The following ANKFN1 variants were observed in gnomAD, a reference collection of about 807,000 sequenced individuals.
ANKFN1 encodes the protein ankyrin repeat and fibronectin type III domain containing 1.
A neutral mutation model predicts 108.7 loss-of-function variants in ANKFN1; 74 were observed. The observed-to-expected ratio is 0.68, with a 90% confidence interval of 0.56 to 0.83. The LOEUF (loss-of-function observed/expected upper bound fraction) is 0.83, where lower values mean the gene tolerates loss of function less well. ANKFN1 is among the 40% of genes least tolerant of loss of function. The pLI is 0.00. For missense variants in ANKFN1, 1,505 were observed against 1,382.3 expected, an observed-to-expected ratio of 1.09 and a Z score of -1.41; for synonymous variants, 547 against 516.2, an observed-to-expected ratio of 1.06 and a Z score of -0.81.
At chr17:56,268,152 A>G (rs766462777) in intron 3 of ANKFN1, among the ~76,000 whole-genome samples, 46 of 152,340 alleles carry the variant, frequency 3.0e-4, no homozygotes, top group Non-Finnish European at 4.9e-4. Flanking sequence ...CACATGGCAC[A>G]TACTTTAAAA....
At chr17:56,088,517 G>A (rs1482719785) in intron 4 of ANKFN1, among the ~76,000 whole-genome samples, 1 of 150,828 alleles carries the variant, frequency 6.6e-6, no homozygotes, top group African/African-American at 2.4e-5. Context: ...TTTCTAGCTG[G>A]TGGCAGTCAC....
intron 17 of ANKFN1, 105 bp downstream of exon 17, chr17:56,480,923 A>AGTGTG (rs2050676725): frequency 1.6e-6 from 1 of 631,886 alleles, no homozygotes; most frequent in African/African-American, 2.0e-5. Flanking sequence ...GTGTGTGTGT[A>AGTGTG]AATTTTCCTT....
rs200163526 is a variant in ANKFN1, at chr17:56,353,953, G to A, written c.508G>A (p.Glu170Lys). 8.3e-5 allele frequency: 134 copies of A among 1,613,828 alleles called. No individual in the cohort carries two copies. Among genetic ancestry groups the A allele is most frequent in the Middle Eastern group, 6.6e-4 (4 of 6,082 alleles). Residue 170 changes from glutamate (E) to lysine (K), a missense_variant, in exon 6 of 21, where the codon GAG becomes AAG. Transcript: ENST00000682825. ...EELDLNTPNSEGLTPLDIAIM... is the reference protein window; with the variant it reads ...EELDLNTPNSKGLTPLDIAIM... The stretch of plus-strand genomic sequence containing the variant: ...ACTTGACCTCAACACACCTAACAGC[G>A]AGGGCTTGACACCCCTGGATATTGC...
chr17:56,462,392 C>T (rs1278419522), intron 14 of ANKFN1, among the ~76,000 whole-genome samples: 4 of 152,120 alleles, frequency 2.6e-5, no homozygotes, highest in African/African-American at 7.2e-5. Context: ...GTCGGGAGTT[C>T]GAGACCAGCC....
intron 4 of ANKFN1, among the ~76,000 whole-genome samples, chr17:56,328,713 T>C (rs74418927): frequency 0.014 from 2,130 of 152,132 alleles, 53 homozygotes; most frequent in African/African-American, 0.048. Context: ...GAGAGTCACA[T>C]TGTGGAAAGC....
At chr17:56,472,883 A>G (rs1036679479) in intron 15 of ANKFN1, 1 of 152,222 alleles carries the variant, frequency 6.6e-6, no homozygotes, top group African/African-American at 2.4e-5. Context: ...GAGAGAAAGA[A>G]CAAAATAAAG....
intron 10 of ANKFN1, among the ~76,000 whole-genome samples, chr17:56,444,427 A>G (rs2049214457): frequency 6.6e-6 from 1 of 151,730 alleles, no homozygotes; most frequent in African/African-American, 2.4e-5. Context: ...ATGCCTGTGT[A>G]TTTTTTTTAT....
chr17:56,343,108 G>C (rs2110201), intron 4 of ANKFN1, among the ~76,000 whole-genome samples: 120,517 of 151,994 alleles, frequency 0.79, 48,105 homozygotes, highest in East Asian at 0.96. Flanking sequence ...TTGCCAGATA[G>C]TAGGATTGCA....
intron 3 of ANKFN1, among the ~76,000 whole-genome samples, chr17:56,301,215 G>A (rs1053243717): frequency 2.6e-5 from 4 of 152,286 alleles, no homozygotes; most frequent in African/African-American, 9.6e-5. Flanking sequence ...GATATCTGGA[G>A]TTGTTTGACC....
At chr17:56,092,625 A>G (rs1158169833) in intron 4 of ANKFN1, among the ~76,000 whole-genome samples, 1 of 151,178 alleles carries the variant, frequency 6.6e-6, no homozygotes, top group Non-Finnish European at 1.5e-5. Context: ...TTAGCAGCTT[A>G]AAACAGCACC....
At chr17:56,414,672 C>T (rs1567983363) in intron 8 of ANKFN1, among the ~76,000 whole-genome samples, 1 of 152,122 alleles carries the variant, frequency 6.6e-6, no homozygotes, top group Non-Finnish European at 1.5e-5. Flanking sequence ...ATCATATGAT[C>T]ATTTCAATTG....
At position 56,211,688 on chromosome 17, in the gene ANKFN1, C is replaced by T. The variant is rs1019833472; in HGVS notation, c.-70-910C>T. Among the ~76,000 whole-genome samples the T allele has an allele frequency of 2.6e-5, 4 of 152,204 alleles. No individual in the cohort carries two copies. The East Asian group carries it at 5.8e-4, about 22-fold the overall frequency. ...GGAATTGCATTAAATTTGTAGATTG[C>T]TTTTGGCAGTATGGTTATTTTCACA... On this transcript the variant is annotated intron_variant, in intron 1 of 20. Coordinates refer to ENST00000682825, the MANE Select transcript of ANKFN1 (RefSeq NM_001370326.1).
At chr17:56,102,305 A>T (rs113427845) in intron 4 of ANKFN1, among the ~76,000 whole-genome samples, 1,756 of 152,290 alleles carry the variant, frequency 0.012, 37 homozygotes, top group African/African-American at 0.041. Context: ...GTCAATTATA[A>T]ATACTTGTAT....
intron 4 of ANKFN1, among the ~76,000 whole-genome samples, chr17:56,109,586 GA>G (rs1266457658): frequency 6.6e-6 from 1 of 151,718 alleles, no homozygotes. Context: ...CAGAATGGCT[GA>G]AAAAAAAGGA....
intron 4 of ANKFN1, among the ~76,000 whole-genome samples, chr17:56,055,566 C>CATACATATATATATATATATATAT (rs1555588763): frequency 2.1e-5 from 1 of 47,442 alleles, no homozygotes; most frequent in Non-Finnish European, 3.5e-5. Flanking sequence ...GGTATATATA[C>CATACATATATATATATATATATAT]ATATATATAT....
intron 20 of ANKFN1, among the ~76,000 whole-genome samples, chr17:56,501,917 G>C (rs899446378): frequency 1.3e-5 from 2 of 152,188 alleles, no homozygotes; most frequent in Non-Finnish European, 2.9e-5. Context: ...CAGTGATCTA[G>C]ATGAGAGCAG....
intron 3 of ANKFN1, among the ~76,000 whole-genome samples, chr17:56,233,492 C>T (rs1916887221): frequency 6.6e-6 from 1 of 152,036 alleles, no homozygotes. Context: ...TTTTGAGTAA[C>T]AACTCAAACA....
intron 4 of ANKFN1, among the ~76,000 whole-genome samples, chr17:56,101,767 C>G (rs1315914398): frequency 1.5e-4 from 23 of 152,260 alleles, no homozygotes; most frequent in Admixed American, 2.0e-4. Flanking sequence ...ACTGATCATT[C>G]AGAAATAGTT....
intron 2 of ANKFN1, among the ~76,000 whole-genome samples, chr17:56,218,334 A>G (rs1915587218): frequency 6.6e-6 from 1 of 151,882 alleles, no homozygotes; most frequent in African/African-American, 2.4e-5. Context: ...ACCTTTATAA[A>G]TCCATGCTGT....
Sources: allele counts gnomAD v4.1 joint callset (sites outside exome capture counted in the v4.1 genomes callset), GRCh38; gene constraint gnomAD v4.1.1; transcripts MANE v1.5; gene names NCBI Gene and HGNC (gene_info 2026-07-23, HGNC 2026-07-21).